The following THSD4 variants were observed in gnomAD, a reference collection of about 807,000 sequenced individuals.
The protein encoded by THSD4 is thrombospondin type 1 domain containing 4.
In THSD4, 69 loss-of-function variants were observed where a neutral mutation model predicts 119.0. The ratio of observed to expected loss-of-function variants is 0.58; its 90% CI spans 0.48 to 0.71. The LOEUF is 0.71. Ranked by LOEUF, THSD4 falls within the 30% of genes least tolerant of loss-of-function variation. The pLI is 0.00. For synonymous variants in THSD4, 524 were observed against 540.4 expected (o/e 0.97, Z 0.42); for missense variants, 1,393 against 1,391.1 (o/e 1.00, Z -0.02).
intron 6 of THSD4, among the ~76,000 whole-genome samples, chr15:71,324,187 GTTC>G (rs964750270): frequency 9.3e-5 from 14 of 150,258 alleles, no homozygotes; most frequent in South Asian, 4.2e-4. Flanking sequence ...TGTTTTTTGT[GTTC>G]TTTTTTTTTT....
intron 1 of THSD4, among the ~76,000 whole-genome samples, chr15:71,132,818 G>A (rs574867075): frequency 2.6e-5 from 4 of 152,130 alleles, no homozygotes; most frequent in African/African-American, 7.2e-5. Context: ...ATGTGTGTAC[G>A]CTCATGCACA....
chr15:71,316,050 G>A (rs1209852470), intron 6 of THSD4, among the ~76,000 whole-genome samples: 2 of 152,164 alleles, frequency 1.3e-5, no homozygotes, highest in Non-Finnish European at 2.9e-5. Flanking sequence ...GGTTCACTGG[G>A]TATGAGCAGA....
chr15:71,592,653 A>G (rs8027825), intron 7 of THSD4, among the ~76,000 whole-genome samples: 76,036 of 151,462 alleles, frequency 0.5, 19,235 homozygotes, highest in East Asian at 0.69. Context: ...TGGGAACCCA[A>G]TCACCATTTA....
intron 7 of THSD4, among the ~76,000 whole-genome samples, chr15:71,508,599 T>G (rs907054051): frequency 1.3e-5 from 2 of 152,196 alleles, no homozygotes; most frequent in South Asian, 4.1e-4. Context: ...TCATTGAACC[T>G]GTATGCTTCT....
At chr15:71,332,049 A>G (rs995752240) in intron 6 of THSD4, among the ~76,000 whole-genome samples, 11 of 152,174 alleles carry the variant, frequency 7.2e-5, no homozygotes, top group African/African-American at 2.4e-4. Context: ...GTTGTAGGGA[A>G]GGGTCCTAGA....
intron 6 of THSD4, among the ~76,000 whole-genome samples, chr15:71,276,831 A>G (rs987785528): frequency 1.3e-5 from 2 of 152,236 alleles, no homozygotes; most frequent in Admixed American, 6.5e-5. Context: ...GTAAAAAACA[A>G]TATGTAGCGG....
Position 71,777,338 on chromosome 15 carries a change from G to T in THSD4, c.3021G>T (p.Val1007=). ...KTACCASCTR[V]ANRQTGFLGS... Reference sequence around the variant, plus strand: ...CCTGCTGTGCCTCCTGCACCCGTGTGGCCAACAGGCAGACGGGCTTCCTGG... The same window carrying T: ...CCTGCTGTGCCTCCTGCACCCGTGTTGCCAACAGGCAGACGGGCTTCCTGG... The change falls in exon 18 of 18, where the codon GTG becomes GTT. Residue 1007 remains valine (V), a synonymous_variant. Coordinates refer to ENST00000261862, the MANE Select transcript of THSD4 (RefSeq NM_024817.3). The T allele has an allele frequency of 6.2e-7, 1 of 1,614,180 alleles. No homozygotes were observed. The highest frequency in any genetic ancestry group is 1.3e-5 in the African/African-American group (1 of 75,056).
At position 71,609,590 on chromosome 15, in the gene THSD4, C is replaced by T. The variant is rs146324617; in HGVS notation, c.1153-50940C>T. Among the ~76,000 whole-genome samples the T allele has an allele frequency of 2.5e-3, 380 of 152,270 alleles. 1 individual carries two copies. Among genetic ancestry groups the T allele is most frequent in the African/African-American group, 8.7e-3 (361 of 41,544 alleles). ...ACAACAGGCCGGGCGCAGTGGCTCA[C>T]GCCTATAATCCCAGCACTTTGGGAG... On this transcript the variant is annotated intron_variant, in intron 7 of 17. Coordinates refer to ENST00000261862, the MANE Select transcript of THSD4 (RefSeq NM_024817.3).
At chr15:71,130,730 A>G (rs901065242) in intron 1 of THSD4, among the ~76,000 whole-genome samples, 14 of 152,098 alleles carry the variant, frequency 9.2e-5, no homozygotes, top group Non-Finnish European at 1.9e-4. Flanking sequence ...CACATATTAT[A>G]CACCTAATAA....
chr15:71,573,892 T>C (rs984005375), intron 7 of THSD4, among the ~76,000 whole-genome samples: 2 of 152,204 alleles, frequency 1.3e-5, no homozygotes, highest in African/African-American at 2.4e-5. Context: ...CCTACTGGAG[T>C]GTCTAGGACA....
At chr15:71,272,627 C>T (rs1480491160) in intron 6 of THSD4, among the ~76,000 whole-genome samples, 4 of 151,636 alleles carry the variant, frequency 2.6e-5, no homozygotes, top group Non-Finnish European at 5.9e-5. Flanking sequence ...GTTGGGAGGC[C>T]GAGGCAGGCA....
chr15:71,549,891 G>A (rs569083759), intron 7 of THSD4: 1 of 152,726 alleles, frequency 6.5e-6, no homozygotes, highest in South Asian at 2.1e-4. Flanking sequence ...GGAGGGCTGT[G>A]ATGCAAAGCA....
At chr15:71,254,779 G>C (rs1230385070) in intron 5 of THSD4, among the ~76,000 whole-genome samples, 1 of 152,192 alleles carries the variant, frequency 6.6e-6, no homozygotes, top group Non-Finnish European at 1.5e-5. Flanking sequence ...AGGGTTGCCA[G>C]CAGGTTGGCT....
At chr15:71,772,346 G>A (rs1205684880) in intron 17 of THSD4, among the ~76,000 whole-genome samples, 1 of 151,968 alleles carries the variant, frequency 6.6e-6, no homozygotes, top group Non-Finnish European at 1.5e-5. Context: ...AAAGTTATGG[G>A]GATGACCATT....
intron 7 of THSD4, among the ~76,000 whole-genome samples, chr15:71,643,985 A>G (rs1003370568): frequency 6.6e-6 from 1 of 152,246 alleles, no homozygotes; most frequent in Non-Finnish European, 1.5e-5. Flanking sequence ...GATGTTTATC[A>G]CAGTTCTTCA....
chr15:71,408,958 G>A (rs949719032), intron 6 of THSD4, among the ~76,000 whole-genome samples: 1 of 152,124 alleles, frequency 6.6e-6, no homozygotes, highest in Admixed American at 6.6e-5. Flanking sequence ...AAGGCAACAG[G>A]ATGCCAGGTA....
chr15:71,152,279 C>A (rs1461296643), intron 2 of THSD4, among the ~76,000 whole-genome samples: 3 of 151,834 alleles, frequency 2.0e-5, no homozygotes, highest in African/African-American at 7.3e-5. Context: ...AAAAATTAGC[C>A]AGGCATGGTA....
At chr15:71,677,290 A>G (rs898017752) in intron 8 of THSD4, among the ~76,000 whole-genome samples, 12 of 152,196 alleles carry the variant, frequency 7.9e-5, no homozygotes, top group African/African-American at 2.9e-4. Flanking sequence ...TTCCTCGTCA[A>G]TGCTGGTAGA....
intron 7 of THSD4, among the ~76,000 whole-genome samples, chr15:71,608,194 G>C (rs914918069): frequency 1.4e-5 from 2 of 143,438 alleles, no homozygotes; most frequent in African/African-American, 5.2e-5. Context: ...CTATACTCCA[G>C]CCTGGGGGAC....
Sources: gnomAD v4.1 joint callset for allele counts (sites outside exome capture counted in the v4.1 genomes callset) on GRCh38, gnomAD v4.1.1 for gene constraint, MANE v1.5 for transcripts, NCBI Gene and HGNC (gene_info 2026-07-23, HGNC 2026-07-21) for gene names.